Variants in FHIT observed in about 807,000 individuals in gnomAD.
FHIT encodes fragile histidine triad diadenosine triphosphatase, also known as bis(5'-adenosyl)-triphosphatase.
Under a neutral mutation model 17.9 loss-of-function variants are expected in FHIT, and 19 were observed. That is an observed-to-expected ratio of 1.06 (90% CI 0.74 to 1.56). The LOEUF is 1.56. Ranked by LOEUF, FHIT falls within the 40% of genes most tolerant of loss-of-function variation. FHIT has a pLI of 0.00. For missense variants in FHIT, 248 were observed against 189.2 expected (o/e 1.31, Z -1.82); for synonymous variants, 81 against 69.7 (o/e 1.16, Z -0.81).
chr3:60,438,767 G>C lies in FHIT; in HGVS notation c.103+98093C>G, dbSNP rs191930538. 1.2e-3 allele frequency among the ~76,000 whole-genome samples: 177 copies of C among 152,108 alleles called. 3 individuals carry two copies. The highest frequency in any genetic ancestry group is 3.9e-3 in the African/African-American group (162 of 41,518). Reference sequence around the variant, plus strand: ...TGATCACCAACTAACCACATTGTTGGGTTAAATCAAACCTCTGCAATTCCT... The same window carrying C: ...TGATCACCAACTAACCACATTGTTGCGTTAAATCAAACCTCTGCAATTCCT... On this transcript the variant is annotated intron_variant, in intron 5 of 9. Transcript: ENST00000492590.
At position 59,866,512 on chromosome 3, in the gene FHIT, A is replaced by G. The variant is rs138880316; in HGVS notation, c.348+55834T>C. Among the ~76,000 whole-genome samples, 280 of 152,294 alleles carry G rather than the reference A, an allele frequency of 1.8e-3. 2 individuals carry two copies. The highest frequency in any genetic ancestry group is 6.2e-3 in the African/African-American group (259 of 41,572). On this transcript the variant is annotated intron_variant, in intron 8 of 9. Transcript: ENST00000492590. ...AATCTGTTTTGCGGAGTTCTTCCAC[A>G]CAGAGAGTAGATTCCAGGCACAAGA... is the stretch of plus-strand genomic sequence containing the variant.
At chr3:59,886,849 T>C (rs1331428376) in intron 8 of FHIT, among the ~76,000 whole-genome samples, 1 of 152,172 alleles carries the variant, frequency 6.6e-6, no homozygotes, top group Non-Finnish European at 1.5e-5. Context: ...GATACTTGTT[T>C]ACAGGACAAG....
intron 5 of FHIT, among the ~76,000 whole-genome samples, chr3:60,355,119 C>G (rs1389416165): frequency 1.3e-5 from 2 of 152,140 alleles, no homozygotes; most frequent in Non-Finnish European, 2.9e-5. Context: ...TCAGATAAAA[C>G]ACACATGCAT....
At chr3:60,542,669 T>C (rs1157271009) in intron 4 of FHIT, among the ~76,000 whole-genome samples, 1 of 152,188 alleles carries the variant, frequency 6.6e-6, no homozygotes, top group Non-Finnish European at 1.5e-5. Context: ...ATATTGATCA[T>C]GGTCTATTAA....
At chr3:59,816,853 T>C (rs1700617086) in intron 8 of FHIT, among the ~76,000 whole-genome samples, 3 of 152,208 alleles carry the variant, frequency 2.0e-5, no homozygotes, top group South Asian at 4.1e-4. Context: ...GCTGAATGAA[T>C]CCTCTGGAGA....
chr3:60,852,076 T>C (rs1259817298), intron 3 of FHIT, among the ~76,000 whole-genome samples: 4 of 152,202 alleles, frequency 2.6e-5, no homozygotes, highest in Admixed American at 1.3e-4. Flanking sequence ...AGTAAAGCAA[T>C]TGCCCTCCCT....
At chr3:60,628,189 T>C (rs1553681522) in intron 4 of FHIT, among the ~76,000 whole-genome samples, 1 of 152,230 alleles carries the variant, frequency 6.6e-6, no homozygotes, top group African/African-American at 2.4e-5. Context: ...ATTTTCATTG[T>C]GATTTTTTAA....
intron 3 of FHIT, among the ~76,000 whole-genome samples, chr3:60,823,613 GC>G (rs1240573236): frequency 6.6e-6 from 1 of 152,138 alleles, no homozygotes; most frequent in African/African-American, 2.4e-5. Context: ...AGATTCCCCT[GC>G]AGATTTTAGA....
At chr3:59,999,814 G>A (rs1039147603) in intron 7 of FHIT, among the ~76,000 whole-genome samples, 1 of 152,046 alleles carries the variant, frequency 6.6e-6, no homozygotes, top group African/African-American at 2.4e-5. Context: ...CACCATGTTG[G>A]ACAGGCTGGT....
intron 5 of FHIT, among the ~76,000 whole-genome samples, chr3:60,234,779 T>C (rs966995120): frequency 2.0e-5 from 3 of 152,176 alleles, no homozygotes; most frequent in Non-Finnish European, 2.9e-5. Context: ...CAGCCTTTGT[T>C]TGGATGTCAC....
chr3:60,614,237 T>C (rs1320363401), intron 4 of FHIT, among the ~76,000 whole-genome samples: 2 of 152,176 alleles, frequency 1.3e-5, no homozygotes, highest in African/African-American at 4.8e-5. Flanking sequence ...GGCAGCACCA[T>C]GTACAGAAAT....
intron 3 of FHIT, among the ~76,000 whole-genome samples, chr3:61,038,518 T>C (rs1382775306): frequency 6.6e-6 from 1 of 152,176 alleles, no homozygotes; most frequent in Non-Finnish European, 1.5e-5. Context: ...AAACAGTAAA[T>C]GACATTTTCA....
At chr3:60,451,187 G>T (rs4679542) in intron 5 of FHIT, among the ~76,000 whole-genome samples, 24,809 of 151,696 alleles carry the variant, frequency 0.16, 2,292 homozygotes, top group Admixed American at 0.27. Context: ...TTATCAAATG[G>T]TTATCAGGGG....
chr3:60,617,973 CA>C, intron 4 of FHIT: 1 of 267,680 alleles, frequency 3.7e-6, no homozygotes, highest in Non-Finnish European at 7.6e-6. Flanking sequence ...TTTATAAAGT[CA>C]AATCAAAGAA....
intron 3 of FHIT, among the ~76,000 whole-genome samples, chr3:60,869,094 C>G (rs1372777958): frequency 6.6e-6 from 1 of 152,118 alleles, no homozygotes; most frequent in Non-Finnish European, 1.5e-5. Flanking sequence ...GGCAACACAA[C>G]AGGAAGGATT....
chr3:60,004,678 AG>A (rs903576784), intron 7 of FHIT, among the ~76,000 whole-genome samples: 2 of 152,184 alleles, frequency 1.3e-5, no homozygotes, highest in Non-Finnish European at 2.9e-5. Context: ...GATATAATGA[AG>A]AGTTGAAATT....
intron 5 of FHIT, among the ~76,000 whole-genome samples, chr3:60,238,224 T>G (rs958540224): frequency 1.3e-5 from 2 of 151,634 alleles, no homozygotes; most frequent in Non-Finnish European, 2.9e-5. Flanking sequence ...CTTAATGAGT[T>G]CCTCAGGTTT....
At chr3:59,911,254 G>T (rs1048819614) in intron 8 of FHIT, among the ~76,000 whole-genome samples, 15 of 152,150 alleles carry the variant, frequency 9.9e-5, no homozygotes, top group South Asian at 6.2e-4. Context: ...AAATTAATTA[G>T]ATCAGTTGTC....
At chr3:60,004,212 T>C (rs1184899996) in intron 7 of FHIT, among the ~76,000 whole-genome samples, 1 of 152,134 alleles carries the variant, frequency 6.6e-6, no homozygotes, top group Non-Finnish European at 1.5e-5. Context: ...AGTGATTAAG[T>C]AGAAATTACA....
Sources: allele counts gnomAD v4.1 joint callset (sites outside exome capture counted in the v4.1 genomes callset), GRCh38; gene constraint gnomAD v4.1.1; transcripts MANE v1.5; gene names NCBI Gene and HGNC (gene_info 2026-07-23, HGNC 2026-07-21).